Variants in COMMD3 observed in about 807,000 individuals in gnomAD.
The protein encoded by COMMD3 is COMM domain containing 3.
COMMD3 carries 31 observed loss-of-function variants against 31.2 expected under a neutral mutation model. The ratio of observed to expected loss-of-function variants is 0.99; its 90% CI spans 0.75 to 1.34. The LOEUF is 1.34. Ranked by LOEUF, COMMD3 falls within the 40% of genes most tolerant of loss-of-function variation. The pLI, the probability that COMMD3 is intolerant of heterozygous loss-of-function variation, is 0.00. For synonymous variants in COMMD3, 108 were observed against 87.3 expected (o/e 1.24, Z -1.32); for missense variants, 274 against 236.9 (o/e 1.16, Z -1.03).
At position 22,318,333 on chromosome 10, in the gene COMMD3, G is replaced by C. The variant is rs778595211; in HGVS notation, c.350+27G>C. 13 of 1,580,782 alleles carry C rather than the reference G, an allele frequency of 8.2e-6. No homozygotes were observed. In the African/African-American group the frequency reaches 1.8e-4, roughly 22 times the overall value. On this transcript the variant is annotated intron_variant, in intron 4 of 7. Coordinates refer to ENST00000376836, the MANE Select transcript of COMMD3 (RefSeq NM_012071.4). Reference sequence around the variant, plus strand: ...TAGGTACTGTATAAGGTGTCAAGCTGAGGCACTTTTCACTTGCAGGTATGA... The same window carrying C: ...TAGGTACTGTATAAGGTGTCAAGCTCAGGCACTTTTCACTTGCAGGTATGA...
Position 22,318,957 on chromosome 10 carries a change from A to G in COMMD3, c.469-2A>G. ...TGTTGCGTGTTTTTTTTCCTGCCCT[A>G]GAACACTGATTCCCCATCCTATCCA... On this transcript the variant is annotated splice_acceptor_variant, in intron 6 of 7. Coordinates refer to ENST00000376836, the MANE Select transcript of COMMD3 (RefSeq NM_012071.4). LOFTEE classifies it high-confidence loss of function. 1 of 1,613,142 alleles carries G rather than the reference A, an allele frequency of 6.2e-7. No homozygotes were observed. The highest frequency in any genetic ancestry group is 8.5e-7 in the Non-Finnish European group (1 of 1,179,702).
At chr10:22,318,414 GC>G in intron 4 of COMMD3, 108 bp downstream of exon 4, 1 of 1,455,128 alleles carries the variant, frequency 6.9e-7, no homozygotes, top group South Asian at 1.3e-5. Context: ...AAGAAAAGGA[GC>G]CAAAGGGCAT....
chr10:22,318,296 CT>C lies in COMMD3; in HGVS notation c.341del (p.Leu114HisfsTer5). ...GAATAATAAGAATTCCCTAGAAATCCTACTGGGAAGGTAGGTACTGTATAAG... is the reference window on the plus strand; with the variant it reads ...GAATAATAAGAATTCCCTAGAAATCCACTGGGAAGGTAGGTACTGTATAAG... ...YQNNKNSLEI[L>X]LGSIGRSLPH... is the part of the protein sequence containing the mutation. On this transcript the variant is annotated frameshift_variant, in exon 4 of 8. Transcript: ENST00000376836. LOFTEE classifies it high-confidence loss of function. 6.2e-7 allele frequency: 1 copy of C among 1,602,356 alleles called. No homozygotes were observed. The highest frequency in any genetic ancestry group is 8.5e-7 in the Non-Finnish European group (1 of 1,177,096).
chr10:22,320,164 G>T lies in COMMD3; in HGVS notation c.*166G>T. ...TTGACACTTTAAAAACGTGTGAAAG[G>T]GTTAAGAGGGAAAGATACTGCCCAA... On this transcript the variant is annotated 3_prime_UTR_variant, in exon 8 of 8. Transcript: ENST00000376836. 3 of 1,509,498 alleles carry T rather than the reference G, an allele frequency of 2.0e-6. No individual in the cohort carries two copies. The highest frequency in any genetic ancestry group is 2.7e-6 in the Non-Finnish European group (3 of 1,123,452). The allele number at this position is 1,509,498 out of a possible 1,614,324, so 93.5% of individuals were successfully genotyped here.
chr10:22,318,952 G>A lies in COMMD3; in HGVS notation c.469-7G>A, dbSNP rs115904843. On this transcript the variant is annotated splice_region_variant and splice_polypyrimidine_tract_variant and intron_variant, in intron 6 of 7. Transcript: ENST00000376836. ...TTTCTTGTTGCGTGTTTTTTTTCCT[G>A]CCCTAGAACACTGATTCCCCATCCT... 3.5e-4 allele frequency: 559 copies of A among 1,611,644 alleles called. 1 individual carries two copies. In the African/African-American group the frequency reaches 7.0e-3, roughly 20 times the overall value.
At position 22,319,728 on chromosome 10, in the gene COMMD3, G is replaced by A. The variant is rs181248798; in HGVS notation, c.529-211G>A. On this transcript the variant is annotated intron_variant, in intron 7 of 7. Transcript: ENST00000376836. Reference sequence around the variant, plus strand: ...GGATCCGGTTAGAAATCATGTTTCAGTGTGAGGGCAAATAACCGATTTGAA... The same window carrying A: ...GGATCCGGTTAGAAATCATGTTTCAATGTGAGGGCAAATAACCGATTTGAA... 8.0e-4 allele frequency: 441 copies of A among 552,948 alleles called. 1 individual carries two copies. The highest frequency in any genetic ancestry group is 7.8e-3 in the African/African-American group (411 of 52,810). 34.3% of individuals were successfully genotyped at this position (552,948 alleles called of 1,614,324 possible). A position where few individuals can be genotyped will look rare whatever the true frequency, so the allele number is the denominator to read the frequency against.
At chr10:22,318,056 A>T in intron 2 of COMMD3, 49 bp from the exon 3 acceptor site, 1 of 1,606,102 alleles carries the variant, frequency 6.2e-7, no homozygotes, top group Non-Finnish European at 8.5e-7. Context: ...TTTCAATTTC[A>T]GTTTTAAAAA....
chr10:22,319,019 G>A lies in COMMD3; in HGVS notation c.528+1G>A, dbSNP rs1484292191. On this transcript the variant is annotated splice_donor_variant, in intron 7 of 7. Transcript: ENST00000376836. LOFTEE classifies it high-confidence loss of function. ...TAGTTGCAGCATGGAACAATTACAG[G>A]TACAGTATTAGGATCTATAAATATT... The A allele has an allele frequency of 1.7e-5, 28 of 1,609,438 alleles. No homozygotes were observed. The highest frequency in any genetic ancestry group is 2.2e-5 in the Non-Finnish European group (26 of 1,178,456).
At chr10:22,316,619 G>T in intron 1 of COMMD3, 63 bp downstream of exon 1, 1 of 1,409,522 alleles carries the variant, frequency 7.1e-7, no homozygotes, top group Non-Finnish European at 9.4e-7. Flanking sequence ...CGGAGAAGAG[G>T]AGCCGGCGGA....
intron 4 of COMMD3, 157 bp downstream of exon 4, chr10:22,318,463 C>A: frequency 1.7e-6 from 2 of 1,173,280 alleles, no homozygotes; most frequent in South Asian, 1.5e-5. Context: ...TTTTAAAGAT[C>A]GTTTATTGAG....
chr10:22,319,985 C>CA lies in COMMD3; in HGVS notation c.577dup (p.Thr193AsnfsTer9). 1 of 1,613,986 alleles carries CA rather than the reference C, an allele frequency of 6.2e-7. No individual in the cohort carries two copies. Among genetic ancestry groups the CA allele is most frequent in the South Asian group, 1.1e-5 (1 of 91,080 alleles). ...GATGCTTCGAAAAGCCTGGAAAGAG[C>CA]AACTCAGTTGTAACTTGGGGAAGTT... is the stretch of plus-strand genomic sequence containing the variant. On this transcript the variant is annotated frameshift_variant, in exon 8 of 8. Transcript: ENST00000376836. LOFTEE classifies it high-confidence loss of function.
chr10:22,320,260 G>C lies in COMMD3; in HGVS notation c.*262G>C, dbSNP rs373585308. 2.3e-5 allele frequency: 20 copies of C among 870,288 alleles called. No individual in the cohort carries two copies. In the African/African-American group the frequency reaches 3.4e-4, roughly 15 times the overall value. The allele number at this position is 870,288 out of a possible 1,614,324, so 53.9% of individuals were successfully genotyped here. On this transcript the variant is annotated 3_prime_UTR_variant, in exon 8 of 8. Transcript: ENST00000376836. ...TCTTTTTCAAGTCTTCTGAAAGGAA[G>C]TAGACAGTATTACACCCTGAATAAA...
chr10:22,319,865 G>T, intron 7 of COMMD3, 74 bp from the exon 8 acceptor site: 48 of 1,553,154 alleles, frequency 3.1e-5, no homozygotes, highest in Admixed American at 2.6e-4. Context: ...TTTTTTTCTT[G>T]CATCTTTCTT....
rs770445505 is a variant in COMMD3, at chr10:22,319,050, CTT to C, written c.528+36_528+37del. ...TATTAGGATCTATAAATATTCCTGT[CTT>C]TTTATAAATGTTTACTTGAGAGTTA... On this transcript the variant is annotated intron_variant, in intron 7 of 7. Transcript: ENST00000376836. 1.1e-5 allele frequency: 17 copies of C among 1,557,720 alleles called. No homozygotes were observed. The South Asian group carries it at 1.9e-4, about 18-fold the overall frequency.
At chr10:22,318,602 G>T in intron 4 of COMMD3, 51 bp from the exon 5 acceptor site, 1 of 1,505,344 alleles carries the variant, frequency 6.6e-7, no homozygotes, top group South Asian at 1.1e-5. Context: ...ATAAATAACT[G>T]AAAAGTTCTT....
At chr10:22,317,282 T>C (rs1037555093) in intron 1 of COMMD3, among the ~76,000 whole-genome samples, 6 of 152,186 alleles carry the variant, frequency 3.9e-5, no homozygotes, top group African/African-American at 1.4e-4. Context: ...TTGTTTTTTT[T>C]CTGTAGTTTC....
chr10:22,316,424 C>G lies in COMMD3; in HGVS notation c.7C>G (p.Leu3Val), dbSNP rs1244381708. The G allele has an allele frequency of 3.9e-6, 6 of 1,536,898 alleles. No individual in the cohort carries two copies. The highest frequency in any genetic ancestry group is 1.2e-5 in the South Asian group (1 of 82,754). The change falls in exon 1 of 8, where the codon CTC (leucine) becomes GTC (valine). Residue 3 changes from leucine (L) to valine (V), a missense_variant. Transcript: ENST00000376836. ...AGGTCACGGCGCGCTCACAATGGAG[C>G]TCTCGGAGTCTGTGCAGAAAGGCTT... is the stretch of plus-strand genomic sequence containing the variant. The part of the protein sequence containing the change: ME[L>V]SESVQKGFQM...
At chr10:22,318,358 A>T in intron 4 of COMMD3, 52 bp downstream of exon 4, 1 of 1,571,148 alleles carries the variant, frequency 6.4e-7, no homozygotes, top group Non-Finnish European at 8.6e-7. Flanking sequence ...TGCAGGTATG[A>T]ATGGAGAGTG....
In COMMD3 at chr10:22,318,449, A is replaced by G. The variant is rs927836230; in HGVS notation, c.350+143A>G. 6 of 1,247,568 alleles carry G rather than the reference A, an allele frequency of 4.8e-6. No homozygotes were observed. In the South Asian group the frequency reaches 7.3e-5, roughly 15 times the overall value. The allele number at this position is 1,247,568 out of a possible 1,614,324, so 77.3% of individuals were successfully genotyped here. ...ATGTCAAGCAATTGAAGTTAAGCTC[A>G]TGTTTTTAAAGATCGTTTATTGAGA... On this transcript the variant is annotated intron_variant, in intron 4 of 7. Coordinates refer to ENST00000376836, the MANE Select transcript of COMMD3 (RefSeq NM_012071.4).
Sources: allele counts gnomAD v4.1 joint callset (sites outside exome capture counted in the v4.1 genomes callset), GRCh38; gene constraint gnomAD v4.1.1; transcripts MANE v1.5; gene names NCBI Gene and HGNC (gene_info 2026-07-23, HGNC 2026-07-21).